Variants in FOXP2 observed in about 807,000 individuals in gnomAD.
FOXP2 encodes the protein forkhead box P2.
FOXP2 carries 12 observed loss-of-function variants against 115.8 expected under a neutral mutation model. The observed-to-expected ratio is 0.10, with a 90% CI of 0.07 to 0.17. The LOEUF is 0.17. FOXP2 is among the 10% of genes least tolerant of loss of function. The pLI is 1.00. For missense variants in FOXP2, 629 were observed against 843.5 expected (o/e 0.75, Z 3.15); for synonymous variants, 328 against 297.7 (o/e 1.10, Z -1.05).
chr7:114,648,410 T>C (rs936142015), intron 8 of FOXP2, among the ~76,000 whole-genome samples: 1 of 152,098 alleles, frequency 6.6e-6, no homozygotes, highest in African/African-American at 2.4e-5. Flanking sequence ...GATATGCAAG[T>C]GAAACATTTT....
intron 1 of FOXP2, among the ~76,000 whole-genome samples, chr7:114,108,969 C>A (rs1247644604): frequency 6.6e-6 from 1 of 151,914 alleles, no homozygotes; most frequent in Non-Finnish European, 1.5e-5. Context: ...GAAACACTCA[C>A]AAGGTAATTT....
intron 3 of FOXP2, among the ~76,000 whole-genome samples, chr7:114,557,249 A>G (rs879106446): frequency 2.6e-5 from 4 of 152,158 alleles, no homozygotes; most frequent in Admixed American, 2.6e-4. Context: ...AAGCTGGTTT[A>G]ATATGTTGTG....
chr7:114,212,600 C>T (rs1308353740), intron 1 of FOXP2, among the ~76,000 whole-genome samples: 1 of 151,312 alleles, frequency 6.6e-6, no homozygotes, highest in East Asian at 1.9e-4. Context: ...ATTCAACTTT[C>T]AAGTGTGTTC....
chr7:114,231,085 A>G (rs543707491), intron 1 of FOXP2, among the ~76,000 whole-genome samples: 14 of 152,182 alleles, frequency 9.2e-5, no homozygotes, highest in African/African-American at 3.4e-4. Context: ...ATTTATTTCT[A>G]TACATTAACA....
intron 2 of FOXP2, among the ~76,000 whole-genome samples, chr7:114,400,932 A>G (rs1186046978): frequency 6.6e-6 from 1 of 152,074 alleles, no homozygotes; most frequent in African/African-American, 2.4e-5. Context: ...GGAATTTATA[A>G]TCAAGGCTCA....
chr7:114,369,528 C>T (rs754026185), intron 2 of FOXP2, among the ~76,000 whole-genome samples: 14 of 151,440 alleles, frequency 9.2e-5, no homozygotes, highest in Non-Finnish European at 1.6e-4. Flanking sequence ...CTTGCTTAAA[C>T]ACTGCTAAAA....
intron 2 of FOXP2, among the ~76,000 whole-genome samples, chr7:114,307,353 A>G (rs1457105706): frequency 6.6e-6 from 1 of 152,190 alleles, no homozygotes; most frequent in African/African-American, 2.4e-5. Flanking sequence ...GCCAGGACAG[A>G]CTAGTAGGTC....
intron 1 of FOXP2, among the ~76,000 whole-genome samples, chr7:114,265,556 G>A (rs1175849708): frequency 2.0e-5 from 3 of 152,100 alleles, no homozygotes; most frequent in Admixed American, 6.5e-5. Context: ...CTACCAGTCT[G>A]GGGTCTGGAG....
At chr7:114,292,970 A>C (rs1268837833) in intron 2 of FOXP2, among the ~76,000 whole-genome samples, 1 of 152,208 alleles carries the variant, frequency 6.6e-6, no homozygotes, top group African/African-American at 2.4e-5. Context: ...TGAAATATAT[A>C]CCTCGAATAA....
intron 1 of FOXP2, among the ~76,000 whole-genome samples, chr7:114,172,337 G>T (rs2129153154): frequency 6.6e-6 from 1 of 152,256 alleles, no homozygotes; most frequent in Non-Finnish European, 1.5e-5. Context: ...ATCAGTGGTT[G>T]CCAGGAGTTA....
chr7:114,141,597 A>G (rs1053790181), intron 1 of FOXP2, among the ~76,000 whole-genome samples: 10 of 152,190 alleles, frequency 6.6e-5, no homozygotes, highest in African/African-American at 2.2e-4. Flanking sequence ...TCAGGGTGCT[A>G]AAGAATCCTG....
intron 1 of FOXP2, among the ~76,000 whole-genome samples, chr7:114,171,503 G>C (rs1301553840): frequency 6.6e-6 from 1 of 152,134 alleles, no homozygotes; most frequent in African/African-American, 2.4e-5. Flanking sequence ...AGCCTGGGAG[G>C]TGGAGGCTGC....
At chr7:114,231,302 G>A (rs552423204) in intron 1 of FOXP2, among the ~76,000 whole-genome samples, 3 of 152,148 alleles carry the variant, frequency 2.0e-5, no homozygotes, top group African/African-American at 7.2e-5. Flanking sequence ...ACCACCCAAA[G>A]CAATCTACAG....
intron 1 of FOXP2, among the ~76,000 whole-genome samples, chr7:114,262,075 A>G (rs139834551): frequency 1.4e-4 from 21 of 151,696 alleles, no homozygotes; most frequent in Admixed American, 5.9e-4. Context: ...AAAACAAAAC[A>G]AAAAAAATGC....
intron 1 of FOXP2, among the ~76,000 whole-genome samples, chr7:114,148,095 C>T (rs540500011): frequency 2.0e-5 from 3 of 152,288 alleles, no homozygotes; most frequent in Admixed American, 2.0e-4. Flanking sequence ...TAAATACTCA[C>T]AGCTTGATAA....
chr7:114,437,651 T>G (rs906958966), intron 2 of FOXP2, among the ~76,000 whole-genome samples: 1 of 152,186 alleles, frequency 6.6e-6, no homozygotes, highest in African/African-American at 2.4e-5. Context: ...CTATTTTTAC[T>G]AATAATAAAA....
chr7:114,311,119 G>A (rs1797138506), intron 2 of FOXP2, among the ~76,000 whole-genome samples: 1 of 152,022 alleles, frequency 6.6e-6, no homozygotes, highest in Admixed American at 6.6e-5. Flanking sequence ...CCTGGCGCTG[G>A]CTGTGACCAA....
At chr7:114,147,090 T>C (rs1049505158) in intron 1 of FOXP2, among the ~76,000 whole-genome samples, 7 of 152,228 alleles carry the variant, frequency 4.6e-5, no homozygotes, top group African/African-American at 1.7e-4. Flanking sequence ...GAAAATGGAA[T>C]AAGACTTGGT....
intron 3 of FOXP2, among the ~76,000 whole-genome samples, chr7:114,565,837 C>T (rs375394999): frequency 4.6e-5 from 7 of 152,246 alleles, no homozygotes; most frequent in African/African-American, 1.2e-4. Flanking sequence ...CTCTGAGATA[C>T]GTAATCTCTG....
Sources: gnomAD v4.1 joint callset for allele counts (sites outside exome capture counted in the v4.1 genomes callset) on GRCh38, gnomAD v4.1.1 for gene constraint, MANE v1.5 for transcripts, NCBI Gene and HGNC (gene_info 2026-07-23, HGNC 2026-07-21) for gene names.